Variants in GLRA3 observed in about 807,000 individuals in gnomAD.
GLRA3 encodes glycine receptor alpha 3, also known as glycine receptor subunit alpha-3.
In GLRA3, 44 loss-of-function variants were observed where a neutral mutation model predicts 60.4. The observed-to-expected ratio is 0.73, with a 90% CI of 0.57 to 0.94. The LOEUF (loss-of-function observed/expected upper bound fraction) is 0.94, where lower values mean the gene tolerates loss of function less well. Ranked by LOEUF, GLRA3 falls within the 40% of genes least tolerant of loss-of-function variation. The pLI is 0.00. For missense variants in GLRA3, 508 were observed against 564.6 expected (o/e 0.90, Z 1.02); for synonymous variants, 223 against 192.9 (o/e 1.16, Z -1.29).
chr4:174,700,388 C>G (rs893647033), intron 5 of GLRA3, among the ~76,000 whole-genome samples: 22 of 152,082 alleles, frequency 1.4e-4, no homozygotes, highest in African/African-American at 5.3e-4. Context: ...CAAACTTTGT[C>G]ATTATTACGA....
chr4:174,768,382 G>T (rs1312742381), intron 2 of GLRA3, among the ~76,000 whole-genome samples: 1 of 152,022 alleles, frequency 6.6e-6, no homozygotes, highest in Non-Finnish European at 1.5e-5. Flanking sequence ...TGTTTTTGTT[G>T]CTTTTTTGGA....
intron 4 of GLRA3, among the ~76,000 whole-genome samples, chr4:174,726,463 T>C (rs1736328449): frequency 6.6e-6 from 1 of 152,216 alleles, no homozygotes; most frequent in African/African-American, 2.4e-5. Flanking sequence ...AGCAGTTGTC[T>C]AAAGCTTTTC....
At chr4:174,701,764 G>A (rs1448465994) in intron 5 of GLRA3, among the ~76,000 whole-genome samples, 2 of 152,212 alleles carry the variant, frequency 1.3e-5, no homozygotes, top group African/African-American at 4.8e-5. Context: ...AGGGGTTTAA[G>A]ACTTCAGTGG....
In GLRA3 at chr4:174,641,595, C is replaced by T. The variant is rs1323869218; in HGVS notation, c.*2191G>A. The stretch of plus-strand genomic sequence containing the variant: ...TCTAATGTACCAACGTCCTTGTTGA[C>T]AATATTGTCTCATGTTTGGTATTTT... On this transcript the variant is annotated 3_prime_UTR_variant, in exon 10 of 10. Coordinates refer to ENST00000274093, the MANE Select transcript of GLRA3 (RefSeq NM_006529.4). The T allele has an allele frequency of 1.3e-5, 2 of 151,990 alleles. No homozygotes were observed. Among genetic ancestry groups the T allele is most frequent in the Non-Finnish European group, 2.9e-5 (2 of 67,926 alleles). 9.4% of individuals were successfully genotyped at this position (151,990 alleles called of 1,614,324 possible). A position where few individuals can be genotyped will look rare whatever the true frequency, so the allele number is the denominator to read the frequency against.
intron 3 of GLRA3, among the ~76,000 whole-genome samples, chr4:174,752,597 G>T (rs1054205481): frequency 6.6e-6 from 1 of 152,066 alleles, no homozygotes; most frequent in African/African-American, 2.4e-5. Flanking sequence ...AAAGTTTGAC[G>T]ATAGAAAAGA....
chr4:174,823,549 T>G (rs1740835108), intron 1 of GLRA3, among the ~76,000 whole-genome samples: 2 of 151,984 alleles, frequency 1.3e-5, no homozygotes. Flanking sequence ...AAAGAATTTA[T>G]TTTCTATAAG....
intron 2 of GLRA3, 32 bp downstream of exon 2, chr4:174,788,784 C>T (rs1474907451): frequency 4.1e-6 from 6 of 1,478,908 alleles, no homozygotes; most frequent in Non-Finnish European, 5.5e-6. Context: ...ATATTTAAAA[C>T]ACACATATAA....
At chr4:174,811,412 G>A (rs925935425) in intron 1 of GLRA3, among the ~76,000 whole-genome samples, 1 of 152,034 alleles carries the variant, frequency 6.6e-6, no homozygotes, top group Non-Finnish European at 1.5e-5. Context: ...CCAGGATGTG[G>A]CCTGATCTCT....
In GLRA3 at chr4:174,662,060, A is replaced by G. The variant is rs541091610; in HGVS notation, c.928-2863T>C. On this transcript the variant is annotated intron_variant, in intron 7 of 9. Coordinates refer to ENST00000274093, the MANE Select transcript of GLRA3 (RefSeq NM_006529.4). ...ATATCTGTGTATATGTCCATTGCTC[A>G]AGGTTGAAAATTTGCTTGAGTATTA... is the stretch of plus-strand genomic sequence containing the variant. 2.5e-4 allele frequency among the ~76,000 whole-genome samples: 38 copies of G among 152,286 alleles called. 1 individual carries two copies. Among genetic ancestry groups the G allele is most frequent in the Middle Eastern group, 3.4e-3 (1 of 294 alleles).
At chr4:174,691,543 C>A (rs557957798) in intron 5 of GLRA3, among the ~76,000 whole-genome samples, 1 of 151,944 alleles carries the variant, frequency 6.6e-6, no homozygotes, top group African/African-American at 2.4e-5. Context: ...GCGCGCGCGC[C>A]GCCACGCCTG....
At chr4:174,719,153 C>T (rs976146085) in intron 4 of GLRA3, among the ~76,000 whole-genome samples, 38 of 151,244 alleles carry the variant, frequency 2.5e-4, no homozygotes, top group African/African-American at 7.5e-4. Flanking sequence ...TTAGTAGAGA[C>T]GGGGTTTCAC....
intron 5 of GLRA3, among the ~76,000 whole-genome samples, chr4:174,686,429 C>A (rs1283166268): frequency 6.6e-6 from 1 of 152,140 alleles, no homozygotes; most frequent in African/African-American, 2.4e-5. Context: ...CTAATTTATT[C>A]AGGGAACAGA....
At chr4:174,724,282 T>A (rs1179125990) in intron 4 of GLRA3, among the ~76,000 whole-genome samples, 1 of 151,928 alleles carries the variant, frequency 6.6e-6, no homozygotes, top group East Asian at 1.9e-4. Flanking sequence ...GTAAAAGATA[T>A]CTTATGTACA....
chr4:174,643,337 T>A lies in GLRA3; in HGVS notation c.*449A>T, dbSNP rs894203321. 1 of 535,220 alleles carries A rather than the reference T, an allele frequency of 1.9e-6. No individual in the cohort carries two copies. Among genetic ancestry groups the A allele is most frequent in the Non-Finnish European group, 2.1e-6 (1 of 474,520 alleles). 33.2% of individuals were successfully genotyped at this position (535,220 alleles called of 1,614,324 possible). On this transcript the variant is annotated 3_prime_UTR_variant, in exon 10 of 10. Coordinates refer to ENST00000274093, the MANE Select transcript of GLRA3 (RefSeq NM_006529.4). ...TGAATTTCCCACTGTAACTAATTAT[T>A]TTCCCATTTTGTAACTATACTATAA...
intron 5 of GLRA3, among the ~76,000 whole-genome samples, chr4:174,706,684 T>A (rs1239977977): frequency 6.6e-6 from 1 of 152,166 alleles, no homozygotes; most frequent in Non-Finnish European, 1.5e-5. Flanking sequence ...TTTATCTGTA[T>A]CTTTTCTCCG....
At chr4:174,782,928 A>T (rs1738950550) in intron 2 of GLRA3, among the ~76,000 whole-genome samples, 1 of 152,174 alleles carries the variant, frequency 6.6e-6, no homozygotes, top group Non-Finnish European at 1.5e-5. Flanking sequence ...CATCCCCATC[A>T]AGCTACCAAT....
intron 5 of GLRA3, among the ~76,000 whole-genome samples, chr4:174,710,471 A>G (rs1735678741): frequency 6.6e-6 from 1 of 152,182 alleles, no homozygotes; most frequent in African/African-American, 2.4e-5. Context: ...TGAGGAAATC[A>G]TCTTTATGCA....
intron 7 of GLRA3, among the ~76,000 whole-genome samples, chr4:174,668,101 C>A (rs1733749994): frequency 6.6e-6 from 1 of 152,126 alleles, no homozygotes; most frequent in South Asian, 2.1e-4. Flanking sequence ...CCTGCTCCAG[C>A]CATGTAAGAA....
intron 3 of GLRA3, among the ~76,000 whole-genome samples, chr4:174,742,346 G>T (rs1368471882): frequency 6.6e-6 from 1 of 152,088 alleles, no homozygotes; most frequent in Admixed American, 6.5e-5. Flanking sequence ...AGCTTGCTTT[G>T]AGTATTGTTC....
Sources: allele counts gnomAD v4.1 joint callset (sites outside exome capture counted in the v4.1 genomes callset), GRCh38; gene constraint gnomAD v4.1.1; transcripts MANE v1.5; gene names NCBI Gene and HGNC (gene_info 2026-07-23, HGNC 2026-07-21).